The following GLT8D2 variants were observed in gnomAD, a reference collection of about 807,000 sequenced individuals.
GLT8D2 encodes glycosyltransferase 8 domain containing 2, also known as glycosyltransferase 8 domain-containing protein 2.
In GLT8D2, 45 loss-of-function variants were observed where a neutral mutation model predicts 44.5. The observed-to-expected ratio is 1.01, with a 90% CI of 0.80 to 1.30. The LOEUF (loss-of-function observed/expected upper bound fraction) is 1.30, where lower values mean the gene tolerates loss of function less well. GLT8D2 is among the 50% of genes most tolerant of loss of function. The pLI is 0.00. For missense variants in GLT8D2, 400 were observed against 430.4 expected, an observed-to-expected ratio of 0.93 and a Z score of 0.62; for synonymous variants, 156 against 157.2, an observed-to-expected ratio of 0.99 and a Z score of 0.06.
chr12:104,015,437 A>ACAC (rs1373206430), intron 3 of GLT8D2, among the ~76,000 whole-genome samples: 1,372 of 80,984 alleles, frequency 0.017, 37 homozygotes, highest in African/African-American at 0.046. Context: ...CACACACACA[A>ACAC]ATTAGCTGGG....
rs535921247 is a variant in GLT8D2 at position 104,003,044 on chromosome 12, A to AAAG, written c.284+88_284+90dup. The AAAG allele has an allele frequency of 3.0e-4, 282 of 948,342 alleles. 1 individual carries two copies. The highest frequency in any genetic ancestry group is 2.5e-3 in the South Asian group (158 of 64,020). The allele number at this position is 948,342 out of a possible 1,614,324, so 58.7% of individuals were successfully genotyped here. ...AGGGAGAGAAGGCAAGAAAGAAAGA[A>AAAG]AAGAAGAAGAAGAGGTAGGGAGGGA... On this transcript the variant is annotated intron_variant, in intron 5 of 10. Transcript: ENST00000360814.
chr12:104,011,307 T>C (rs1353842773), intron 4 of GLT8D2, among the ~76,000 whole-genome samples: 1 of 152,346 alleles, frequency 6.6e-6, no homozygotes, highest in East Asian at 1.9e-4. Flanking sequence ...GGGAAACTAT[T>C]TGGTGCCTAA....
At chr12:104,052,714 GC>G (rs954334564), upstream of GLT8D2, among the ~76,000 whole-genome samples, 32 of 152,054 alleles carry the variant, frequency 2.1e-4, no homozygotes, top group Non-Finnish European at 3.5e-4. Flanking sequence ...TTGACATGAT[GC>G]CCCTCCTCTT....
At chr12:104,026,803 C>T (rs1379672395) in intron 1 of GLT8D2, among the ~76,000 whole-genome samples, 4 of 152,138 alleles carry the variant, frequency 2.6e-5, no homozygotes, top group African/African-American at 4.8e-5. Flanking sequence ...CCATGAAAAA[C>T]AATTTGTCTT....
chr12:104,064,228 C>T (rs975865986), upstream of GLT8D2: 4 of 242,326 alleles, frequency 1.7e-5, no homozygotes, highest in African/African-American at 8.9e-5. This position sits in a 1 kb window ranked among gnomAD's most constrained non-coding sequence, Gnocchi z 7.3. Flanking sequence ...TTAAAGTGGA[C>T]GTAAAGGAAG....
chr12:103,992,423 A>G (rs984459550), intron 10 of GLT8D2, among the ~76,000 whole-genome samples: 9 of 152,140 alleles, frequency 5.9e-5, no homozygotes, highest in Admixed American at 5.9e-4. Context: ...AGAGAAAATA[A>G]AAGTGTGGCT....
Position 103,994,503 on chromosome 12 carries a change from T to C in GLT8D2, c.601-2A>G. ...GTCCAGATAGCCCATATATGTGTTC[T>C]GTAAGGGAACAGGATGTGCATGCTT... is the stretch of plus-strand genomic sequence containing the variant. On this transcript the variant is annotated splice_acceptor_variant, in intron 8 of 10. Transcript: ENST00000360814. LOFTEE classifies it high-confidence loss of function. 1 of 1,605,362 alleles carries C rather than the reference T, an allele frequency of 6.2e-7. No individual in the cohort carries two copies. The highest frequency in any genetic ancestry group is 8.5e-7 in the Non-Finnish European group (1 of 1,176,902).
chr12:103,998,762 G>A (rs1873822336), intron 6 of GLT8D2, among the ~76,000 whole-genome samples: 1 of 151,968 alleles, frequency 6.6e-6, no homozygotes, highest in African/African-American at 2.4e-5. Context: ...GCCCAAGCTG[G>A]TCTCAAACTT....
chr12:104,056,168 T>C (rs1882169727), intron 1 of GLT8D2, among the ~76,000 whole-genome samples: 1 of 152,110 alleles, frequency 6.6e-6, no homozygotes, highest in East Asian at 1.9e-4. Context: ...GCCCTCTCTA[T>C]GCTTTGGACA....
chr12:104,055,230 GT>G (rs1394326381), intron 1 of GLT8D2, among the ~76,000 whole-genome samples: 1 of 152,224 alleles, frequency 6.6e-6, no homozygotes, highest in Non-Finnish European at 1.5e-5. Context: ...CCTGTTGGTA[GT>G]GTCTCCCATT....
chr12:103,999,455 G>A lies in GLT8D2; in HGVS notation c.344C>T (p.Pro115Leu), dbSNP rs375709472. 50 of 1,613,298 alleles carry A rather than the reference G, an allele frequency of 3.1e-5. No homozygotes were observed. The highest frequency in any genetic ancestry group is 1.7e-4 in the Middle Eastern group (1 of 5,924). Residue 115 changes from proline to leucine, a missense_variant, in exon 6 of 11, where the codon CCG becomes CTG. Pro to Leu is a moderately conservative substitution (Grantham distance 98). Coordinates refer to ENST00000360814, the MANE Select transcript of GLT8D2 (RefSeq NM_001384711.1). ...EINFKIVEFN[P>L]MVLKGKIRPD... is the part of the protein sequence containing the mutation. The stretch of plus-strand genomic sequence containing the variant: ...TCTGATCTTCCCTTTGAGGACCATC[G>A]GGTTGAATTCCACGATTTTAAAGTT...
chr12:104,016,117 T>A (rs191595417), intron 3 of GLT8D2, among the ~76,000 whole-genome samples: 31 of 151,738 alleles, frequency 2.0e-4, no homozygotes, highest in African/African-American at 7.5e-4. Context: ...CACTACTATG[T>A]TGAATAACAG....
chr12:104,030,926 T>C, intron 1 of GLT8D2: 3 of 1,504,278 alleles, frequency 2.0e-6, no homozygotes, highest in Non-Finnish European at 2.7e-6. Context: ...AGATGCTGGC[T>C]ATGAGTTTGA....
chr12:103,994,852 C>T (rs1316794987), intron 8 of GLT8D2, among the ~76,000 whole-genome samples: 2 of 152,150 alleles, frequency 1.3e-5, no homozygotes, highest in East Asian at 3.8e-4. Flanking sequence ...CTTTCAGATG[C>T]TTAGTAAAGG....
chr12:104,018,933 A>G (rs1877253062), intron 3 of GLT8D2, among the ~76,000 whole-genome samples: 1 of 152,180 alleles, frequency 6.6e-6, no homozygotes, highest in African/African-American at 2.4e-5. Flanking sequence ...TCAGAGGCAA[A>G]TCCAGGTTCT....
At chr12:104,004,427 A>T (rs1307804733) in intron 4 of GLT8D2, among the ~76,000 whole-genome samples, 1 of 152,228 alleles carries the variant, frequency 6.6e-6, no homozygotes, top group Non-Finnish European at 1.5e-5. Flanking sequence ...TTAGGAAAAG[A>T]GGAAGTCAAA....
intron 1 of GLT8D2, among the ~76,000 whole-genome samples, chr12:104,049,183 AT>A (rs11395447): frequency 1.3e-5 from 2 of 150,206 alleles, no homozygotes; most frequent in Admixed American, 6.6e-5. Context: ...GAGAGGACTG[AT>A]TTTTTTTTTC....
chr12:104,009,306 T>A (rs1305176808), intron 4 of GLT8D2, among the ~76,000 whole-genome samples: 3 of 152,126 alleles, frequency 2.0e-5, no homozygotes, highest in African/African-American at 7.2e-5. Context: ...AGACCTGGAG[T>A]CAAAGGAGAT....
intron 8 of GLT8D2, among the ~76,000 whole-genome samples, chr12:103,995,005 C>CT (rs1459166962): frequency 2.6e-5 from 4 of 152,158 alleles, no homozygotes; most frequent in African/African-American, 7.2e-5. Context: ...TCCTTGACTC[C>CT]TTTTTTCTCA....
Sources: allele counts gnomAD v4.1 joint callset (sites outside exome capture counted in the v4.1 genomes callset), GRCh38; gene constraint gnomAD v4.1.1; non-coding constraint Gnocchi (gnomAD v3.1); transcripts MANE v1.5; gene names NCBI Gene and HGNC (gene_info 2026-07-23, HGNC 2026-07-21).